PEBP4: variants seen among roughly 807,000 people sequenced by gnomAD.
PEBP4 encodes phosphatidylethanolamine-binding protein 4.
Under a neutral mutation model 23.9 loss-of-function variants are expected in PEBP4, and 22 were observed. The ratio of observed to expected loss-of-function variants is 0.92; its 90% CI spans 0.66 to 1.31. The LOEUF (loss-of-function observed/expected upper bound fraction) is 1.31. Among genes scored for constraint, PEBP4 ranks in the 40% most tolerant of loss-of-function variants. PEBP4 has a pLI of 0.00. For synonymous variants in PEBP4, 112 were observed against 99.3 expected (o/e 1.13, Z -0.76); for missense variants, 324 against 281.7 (o/e 1.15, Z -1.07).
intron 4 of PEBP4, among the ~76,000 whole-genome samples, chr8:22,807,708 C>T (rs1000774900): frequency 6.6e-6 from 1 of 152,146 alleles, no homozygotes; most frequent in Admixed American, 6.5e-5. Context: ...CAGGCCTGCT[C>T]ATAATTTCAA....
At chr8:22,844,385 A>G (rs1328169579) in intron 3 of PEBP4, among the ~76,000 whole-genome samples, 1 of 152,106 alleles carries the variant, frequency 6.6e-6, no homozygotes, top group African/African-American at 2.4e-5. Context: ...GATTACAGGC[A>G]TGCACCATCA....
intron 4 of PEBP4, among the ~76,000 whole-genome samples, chr8:22,747,724 CT>C (rs1805156799): frequency 1.3e-5 from 2 of 152,206 alleles, no homozygotes; most frequent in South Asian, 4.1e-4. Flanking sequence ...AGTGGGAAGG[CT>C]GCAGCCTGAC....
chr8:22,742,724 G>T (rs1805022900), intron 4 of PEBP4, among the ~76,000 whole-genome samples: 1 of 152,210 alleles, frequency 6.6e-6, no homozygotes, highest in Non-Finnish European at 1.5e-5. Flanking sequence ...TCATCGCCTT[G>T]TGGAAAAAGG....
At chr8:22,924,120 T>G (rs1199483426) in intron 2 of PEBP4, among the ~76,000 whole-genome samples, 3 of 152,132 alleles carry the variant, frequency 2.0e-5, no homozygotes, top group Non-Finnish European at 4.4e-5. Flanking sequence ...ACCGGCACTT[T>G]GGGAGGCTGA....
At chr8:22,801,822 C>T (rs920078347) in intron 4 of PEBP4, among the ~76,000 whole-genome samples, 1 of 152,096 alleles carries the variant, frequency 6.6e-6, no homozygotes, top group Non-Finnish European at 1.5e-5. Flanking sequence ...CCCTCCTACC[C>T]TATATGTGCA....
intron 3 of PEBP4, among the ~76,000 whole-genome samples, chr8:22,827,986 T>C (rs1437313277): frequency 4.6e-5 from 7 of 152,260 alleles, no homozygotes; most frequent in Non-Finnish European, 8.8e-5. Flanking sequence ...GTTGAGTTCC[T>C]TTTCATGTCC....
intron 3 of PEBP4, among the ~76,000 whole-genome samples, chr8:22,908,082 C>G (rs974514961): frequency 3.3e-5 from 5 of 151,284 alleles, no homozygotes; most frequent in African/African-American, 1.2e-4. Flanking sequence ...TGAAGTTGCT[C>G]TTGACCAAGA....
intron 4 of PEBP4, among the ~76,000 whole-genome samples, chr8:22,736,279 AT>A (rs1360367799): frequency 6.6e-6 from 1 of 152,090 alleles, no homozygotes; most frequent in African/African-American, 2.4e-5. Context: ...AAAGAACACA[AT>A]ATATAGTCTT....
At chr8:22,785,411 A>G (rs140529921) in intron 4 of PEBP4, among the ~76,000 whole-genome samples, 91 of 152,012 alleles carry the variant, frequency 6.0e-4, no homozygotes, top group African/African-American at 2.2e-3. Context: ...AACCACGGCC[A>G]TTTCGAGACC....
intron 3 of PEBP4, among the ~76,000 whole-genome samples, chr8:22,901,165 G>C (rs1383926424): frequency 6.6e-6 from 1 of 152,130 alleles, no homozygotes; most frequent in African/African-American, 2.4e-5. Context: ...CCACGGACAG[G>C]CCTGGCTCCA....
chr8:22,810,467 G>A (rs533826794), intron 4 of PEBP4, among the ~76,000 whole-genome samples: 1 of 152,202 alleles, frequency 6.6e-6, no homozygotes, highest in South Asian at 2.1e-4. Flanking sequence ...ATCTGCTCAG[G>A]GGTGGGTGTC....
At chr8:22,804,845 G>A (rs571981805) in intron 4 of PEBP4, among the ~76,000 whole-genome samples, 113 of 152,088 alleles carry the variant, frequency 7.4e-4, no homozygotes, top group African/African-American at 2.7e-3. Flanking sequence ...ATGCTGCCCC[G>A]TGACCACCCT....
intron 3 of PEBP4, among the ~76,000 whole-genome samples, chr8:22,853,260 A>G (rs1396698391): frequency 3.9e-5 from 6 of 152,112 alleles, no homozygotes; most frequent in African/African-American, 1.4e-4. Context: ...AGTGTGACAG[A>G]TTTCTTTTGT....
intron 3 of PEBP4, among the ~76,000 whole-genome samples, chr8:22,875,685 G>A (rs1477593509): frequency 6.6e-6 from 1 of 152,050 alleles, no homozygotes; most frequent in Non-Finnish European, 1.5e-5. Context: ...AGGTTGTCTA[G>A]TTCCAGTCCC....
At chr8:22,862,475 C>T (rs926678320) in intron 3 of PEBP4, among the ~76,000 whole-genome samples, 3 of 152,112 alleles carry the variant, frequency 2.0e-5, no homozygotes, top group Non-Finnish European at 4.4e-5. Flanking sequence ...GAAGACTTCA[C>T]AGGATCCGAA....
chr8:22,925,042 T>C (rs749137979), intron 2 of PEBP4: 79 of 985,046 alleles, frequency 8.0e-5, no homozygotes, highest in Non-Finnish European at 8.4e-5. Context: ...CTGAGCCGAG[T>C]GGGGATCTTG....
chr8:22,774,088 G>A (rs985232871), intron 4 of PEBP4, among the ~76,000 whole-genome samples: 3 of 152,138 alleles, frequency 2.0e-5, no homozygotes, highest in Non-Finnish European at 4.4e-5. Context: ...GAGCTGTGAG[G>A]TTCAAACCAG....
At chr8:22,724,809 C>T (rs201132505) in intron 6 of PEBP4, 34 bp downstream of exon 6, 6 of 1,532,054 alleles carry the variant, frequency 3.9e-6, no homozygotes. Flanking sequence ...CAGAATTCAC[C>T]CCGGTGGTGG....
At chr8:22,907,124 C>G (rs1808832927) in intron 3 of PEBP4, among the ~76,000 whole-genome samples, 1 of 152,076 alleles carries the variant, frequency 6.6e-6, no homozygotes, top group Non-Finnish European at 1.5e-5. Context: ...AGATACCATC[C>G]TAGTGCAAAG....
Sources: gnomAD v4.1 joint callset for allele counts (sites outside exome capture counted in the v4.1 genomes callset) on GRCh38, gnomAD v4.1.1 for gene constraint, MANE v1.5 for transcripts, NCBI Gene and HGNC (gene_info 2026-07-23, HGNC 2026-07-21) for gene names.